NEGR1: variants seen among roughly 807,000 people sequenced by gnomAD.
The protein encoded by NEGR1 is neuronal growth regulator 1.
A neutral mutation model predicts 40.9 loss-of-function variants in NEGR1; 10 were observed. The observed-to-expected ratio is 0.24, with a 90% CI of 0.15 to 0.42. The LOEUF is 0.42. NEGR1 is among the 10% of genes least tolerant of loss of function. NEGR1 has a pLI of 1.00. For missense variants in NEGR1, 352 were observed against 438.9 expected, an observed-to-expected ratio of 0.80 and a Z score of 1.77; for synonymous variants, 185 against 166.8, an observed-to-expected ratio of 1.11 and a Z score of -0.84.
chr1:71,547,610 A>G (rs1366585477), intron 6 of NEGR1, among the ~76,000 whole-genome samples: 1 of 151,764 alleles, frequency 6.6e-6, no homozygotes, highest in Non-Finnish European at 1.5e-5. Context: ...AGATTAATAA[A>G]TAGGATATTC....
chr1:72,241,466 A>G (rs377735322), intron 1 of NEGR1, among the ~76,000 whole-genome samples: 1 of 151,520 alleles, frequency 6.6e-6, no homozygotes, highest in South Asian at 2.1e-4. Context: ...AAAATGGTCA[A>G]TGACCTCTAA....
At chr1:71,504,914 A>G (rs988276429) in intron 6 of NEGR1, among the ~76,000 whole-genome samples, 6 of 152,276 alleles carry the variant, frequency 3.9e-5, no homozygotes, top group East Asian at 1.9e-4. Flanking sequence ...AAGGACAAGT[A>G]AAAGTAATGA....
At chr1:72,272,014 G>C (rs769563377) in intron 1 of NEGR1, among the ~76,000 whole-genome samples, 1 of 151,680 alleles carries the variant, frequency 6.6e-6, no homozygotes, top group Non-Finnish European at 1.5e-5. Flanking sequence ...TCCCAGTCTC[G>C]TGTATGTCTT....
intron 1 of NEGR1, among the ~76,000 whole-genome samples, chr1:72,257,453 A>C (rs1356999490): frequency 2.0e-5 from 3 of 152,142 alleles, no homozygotes; most frequent in Admixed American, 1.3e-4. Flanking sequence ...CACTTAAAAA[A>C]TGGTAGCTTA....
chr1:72,201,086 C>G (rs1653188455), intron 1 of NEGR1, among the ~76,000 whole-genome samples: 1 of 151,584 alleles, frequency 6.6e-6, no homozygotes, highest in Admixed American at 6.6e-5. Flanking sequence ...CTCATTTACT[C>G]CAAAGGATTG....
rs80329426 is a variant in NEGR1 at position 71,606,746 on chromosome 1, GTT to G, written c.788+4278_788+4279del. 6.4e-3 allele frequency among the ~76,000 whole-genome samples: 889 copies of G among 139,332 alleles called. 10 individuals carry two copies. Among genetic ancestry groups the G allele is most frequent in the African/African-American group, 0.021 (837 of 39,008 alleles). The allele number at this position is 139,332 out of a possible 152,430, so 91.4% of individuals were successfully genotyped here. On this transcript the variant is annotated intron_variant, in intron 5 of 6. Coordinates refer to ENST00000357731, the MANE Select transcript of NEGR1 (RefSeq NM_173808.3). ...AAAGAATTCAAAGAAACTGGAAAGT[GTT>G]TTTTTTTTTTTTCCTCAGTAAGTGT...
chr1:72,207,517 A>C (rs1449930093), intron 1 of NEGR1, among the ~76,000 whole-genome samples: 2 of 151,886 alleles, frequency 1.3e-5, no homozygotes, highest in African/African-American at 4.8e-5. Context: ...AGAAGTAGCA[A>C]ACAAGTTTTC....
At chr1:71,523,981 C>A (rs946030782) in intron 6 of NEGR1, among the ~76,000 whole-genome samples, 1 of 151,730 alleles carries the variant, frequency 6.6e-6, no homozygotes, top group Non-Finnish European at 1.5e-5. Context: ...AATGCAAAAT[C>A]TTCATTTAAA....
intron 1 of NEGR1, among the ~76,000 whole-genome samples, chr1:72,221,920 C>T (rs1201421920): frequency 6.6e-6 from 1 of 152,066 alleles, no homozygotes; most frequent in Non-Finnish European, 1.5e-5. Flanking sequence ...AACATAAAGC[C>T]AAGACCCACA....
intron 2 of NEGR1, among the ~76,000 whole-genome samples, chr1:71,899,274 A>T (rs375556700): frequency 1.3e-5 from 2 of 151,976 alleles, no homozygotes; most frequent in South Asian, 2.1e-4. Context: ...CTGAGAAAGA[A>T]GTGGGTTTAT....
chr1:72,150,730 T>C (rs890469159), intron 1 of NEGR1, among the ~76,000 whole-genome samples: 5 of 152,090 alleles, frequency 3.3e-5, no homozygotes, highest in African/African-American at 9.7e-5. Flanking sequence ...GAATTTTAGG[T>C]TTTTAAAATA....
At chr1:72,240,518 T>C (rs895592624) in intron 1 of NEGR1, among the ~76,000 whole-genome samples, 6 of 151,710 alleles carry the variant, frequency 4.0e-5, no homozygotes, top group African/African-American at 9.7e-5. Context: ...CTTCAAAGAA[T>C]TGTAACAGGA....
chr1:72,091,800 C>A (rs112803572), intron 1 of NEGR1, among the ~76,000 whole-genome samples: 9 of 152,080 alleles, frequency 5.9e-5, no homozygotes, highest in African/African-American at 1.7e-4. Flanking sequence ...CCTGGACACA[C>A]AGAAGTCCAA....
intron 3 of NEGR1, among the ~76,000 whole-genome samples, chr1:71,756,713 A>G (rs1037138357): frequency 7.2e-5 from 11 of 152,230 alleles, no homozygotes; most frequent in Admixed American, 2.0e-4. Context: ...CTGAAGATGT[A>G]TTACACTAAT....
intron 1 of NEGR1, among the ~76,000 whole-genome samples, chr1:72,033,731 A>ATT (rs1266670966): frequency 1.3e-5 from 2 of 152,112 alleles, no homozygotes; most frequent in Non-Finnish European, 2.9e-5. Context: ...TTAGACTGTT[A>ATT]TTTTTTTCCA....
chr1:71,449,095 A>G (rs954634257), intron 6 of NEGR1, among the ~76,000 whole-genome samples: 7 of 152,186 alleles, frequency 4.6e-5, no homozygotes. Context: ...GAAGTAATAG[A>G]TACTTCCTAC....
intron 3 of NEGR1, among the ~76,000 whole-genome samples, chr1:71,773,234 G>A (rs1656391063): frequency 6.6e-6 from 1 of 152,138 alleles, no homozygotes; most frequent in African/African-American, 2.4e-5. Flanking sequence ...GAGTGAGTCA[G>A]CAAGAATTAC....
At chr1:71,803,267 C>T (rs545427307) in intron 2 of NEGR1, among the ~76,000 whole-genome samples, 6 of 152,064 alleles carry the variant, frequency 3.9e-5, no homozygotes, top group Non-Finnish European at 8.8e-5. Flanking sequence ...GAGGACACAA[C>T]CAGAATGTGG....
intron 2 of NEGR1, among the ~76,000 whole-genome samples, chr1:71,825,005 G>A (rs1227803010): frequency 6.6e-6 from 1 of 151,602 alleles, no homozygotes; most frequent in African/African-American, 2.4e-5. Flanking sequence ...ATTTATCTTG[G>A]GTAAATATCT....
Sources: allele counts gnomAD v4.1 joint callset (sites outside exome capture counted in the v4.1 genomes callset), GRCh38; gene constraint gnomAD v4.1.1; transcripts MANE v1.5; gene names NCBI Gene and HGNC (gene_info 2026-07-23, HGNC 2026-07-21).